The following METTL24 variants were observed in gnomAD, a reference collection of about 807,000 sequenced individuals.
METTL24 encodes the protein methyltransferase like 24.
METTL24 carries 29 observed loss-of-function variants against 32.7 expected under a neutral mutation model. That is an observed-to-expected ratio of 0.89 (90% CI 0.66 to 1.21). The LOEUF (loss-of-function observed/expected upper bound fraction) is 1.21. METTL24 is among the 50% of genes most tolerant of loss of function. METTL24 has a pLI of 0.00. For missense variants in METTL24, 439 were observed against 468.1 expected, an observed-to-expected ratio of 0.94 and a Z score of 0.57; for synonymous variants, 163 against 179.5, an observed-to-expected ratio of 0.91 and a Z score of 0.73.
intron 4 of METTL24, among the ~76,000 whole-genome samples, chr6:110,270,047 C>T (rs1236188185): frequency 6.6e-6 from 1 of 152,088 alleles, no homozygotes; most frequent in Non-Finnish European, 1.5e-5. Flanking sequence ...TTTTGGCAAA[C>T]GATGATCCTT....
At chr6:110,310,976 C>T (rs1771710531) in intron 3 of METTL24, among the ~76,000 whole-genome samples, 1 of 152,186 alleles carries the variant, frequency 6.6e-6, no homozygotes, top group South Asian at 2.1e-4. Context: ...GGTCTTGTTG[C>T]TGCTGTGGCC....
chr6:110,259,538 G>C (rs1317170980), intron 4 of METTL24, among the ~76,000 whole-genome samples: 4 of 152,188 alleles, frequency 2.6e-5, no homozygotes, highest in Non-Finnish European at 5.9e-5. Flanking sequence ...CCACCTCTGG[G>C]GGCAGGGCAT....
chr6:110,334,472 C>T (rs72935945), intron 1 of METTL24, among the ~76,000 whole-genome samples: 37,696 of 151,818 alleles, frequency 0.25, 5,323 homozygotes, highest in African/African-American at 0.4. Flanking sequence ...AGGACATTGA[C>T]GGGAAGCAAA....
chr6:110,248,522 T>C (rs1223264790), intron 4 of METTL24, among the ~76,000 whole-genome samples: 2 of 152,170 alleles, frequency 1.3e-5, no homozygotes, highest in South Asian at 2.1e-4. Flanking sequence ...GTCCGTTCAA[T>C]AGTTCCAAAC....
intron 4 of METTL24, among the ~76,000 whole-genome samples, chr6:110,262,260 C>T (rs1162441031): frequency 6.6e-6 from 1 of 152,086 alleles, no homozygotes; most frequent in East Asian, 1.9e-4. Flanking sequence ...ATCAAATAGA[C>T]ACAATAATAA....
At chr6:110,251,640 T>C (rs1778280991) in intron 4 of METTL24, among the ~76,000 whole-genome samples, 2 of 152,164 alleles carry the variant, frequency 1.3e-5, no homozygotes, top group African/African-American at 2.4e-5. Flanking sequence ...GGCTGGGAAG[T>C]CCAAGTTCAA....
chr6:110,348,706 G>C (rs752145155), intron 1 of METTL24, among the ~76,000 whole-genome samples: 6 of 152,218 alleles, frequency 3.9e-5, no homozygotes, highest in Non-Finnish European at 5.9e-5. Flanking sequence ...AAATGAGTAA[G>C]TGATGGCCGT....
intron 4 of METTL24, among the ~76,000 whole-genome samples, chr6:110,274,806 T>C (rs1489435544): frequency 2.7e-4 from 39 of 144,346 alleles, no homozygotes; most frequent in East Asian, 2.0e-3. Context: ...TTCTTTCTTT[T>C]TTTTTTTTTT....
chr6:110,355,101 G>A (rs192386655), intron 1 of METTL24, among the ~76,000 whole-genome samples: 1 of 152,274 alleles, frequency 6.6e-6, no homozygotes, highest in East Asian at 1.9e-4. Flanking sequence ...CAACTGTGGA[G>A]ACAAAACATT....
intron 4 of METTL24, among the ~76,000 whole-genome samples, chr6:110,285,211 C>T (rs544910340): frequency 6.6e-6 from 1 of 152,268 alleles, no homozygotes; most frequent in East Asian, 1.9e-4. Flanking sequence ...TGCTGTGAAC[C>T]CATCATGGTG....
Position 110,356,265 on chromosome 6 carries a change from G to A in METTL24, c.318+1690C>T, listed in dbSNP as rs566129770. 1.7e-3 allele frequency among the ~76,000 whole-genome samples: 260 copies of A among 152,076 alleles called. 1 individual carries two copies. Among genetic ancestry groups the A allele is most frequent in the African/African-American group, 6.1e-3 (255 of 41,464 alleles). On this transcript the variant is annotated intron_variant, in intron 1 of 4. Coordinates refer to ENST00000338882, the MANE Select transcript of METTL24 (RefSeq NM_001123364.3). ...TCGATACCAGCCTGGCCAACATGGT[G>A]AAACCCATCTCTATTAAAAATACAA... is the stretch of plus-strand genomic sequence containing the variant.
At chr6:110,315,670 A>G (rs1771807309) in intron 2 of METTL24, among the ~76,000 whole-genome samples, 189 bp from the exon 3 acceptor site, 1 of 152,230 alleles carries the variant, frequency 6.6e-6, no homozygotes, top group South Asian at 2.1e-4. Flanking sequence ...CAATTACTAG[A>G]TAATAAGTAA....
intron 4 of METTL24, among the ~76,000 whole-genome samples, chr6:110,253,365 C>T (rs1162164459): frequency 6.6e-6 from 1 of 152,276 alleles, no homozygotes; most frequent in East Asian, 1.9e-4. Flanking sequence ...TACGAGAGAG[C>T]ATCAAAGGAT....
intron 4 of METTL24, among the ~76,000 whole-genome samples, chr6:110,298,083 G>A (rs1771452834): frequency 6.6e-6 from 1 of 152,172 alleles, no homozygotes; most frequent in Admixed American, 6.5e-5. Context: ...GCCAACTCAA[G>A]TTTAAAATTG....
At chr6:110,351,275 T>G (rs908200706) in intron 1 of METTL24, among the ~76,000 whole-genome samples, 2 of 152,142 alleles carry the variant, frequency 1.3e-5, no homozygotes, top group African/African-American at 4.8e-5. Flanking sequence ...AAATATTACA[T>G]ATACCTAGAT....
intron 4 of METTL24, among the ~76,000 whole-genome samples, chr6:110,248,192 C>A (rs1333618489): frequency 6.6e-6 from 1 of 152,202 alleles, no homozygotes; most frequent in Non-Finnish European, 1.5e-5. Context: ...GCTTCCTGTA[C>A]AGCCTGCAGA....
At chr6:110,279,812 T>C (rs934552211) in intron 4 of METTL24, among the ~76,000 whole-genome samples, 3 of 152,118 alleles carry the variant, frequency 2.0e-5, no homozygotes, top group African/African-American at 7.2e-5. Flanking sequence ...GTTGGTCCAT[T>C]CTCATGTTGC....
chr6:110,351,458 T>TCA (rs1321091191), intron 1 of METTL24, among the ~76,000 whole-genome samples: 1 of 151,850 alleles, frequency 6.6e-6, no homozygotes, highest in Non-Finnish European at 1.5e-5. Flanking sequence ...ATATGTATAT[T>TCA]CACACACACA....
At chr6:110,346,494 C>CTT (rs1304436410) in intron 1 of METTL24, among the ~76,000 whole-genome samples, 3 of 83,326 alleles carry the variant, frequency 3.6e-5, no homozygotes, top group Non-Finnish European at 7.1e-5. Flanking sequence ...ATATTATTCT[C>CTT]TCTCTCTCTC....
Sources: gnomAD v4.1 joint callset for allele counts (sites outside exome capture counted in the v4.1 genomes callset) on GRCh38, gnomAD v4.1.1 for gene constraint, MANE v1.5 for transcripts, NCBI Gene and HGNC (gene_info 2026-07-23, HGNC 2026-07-21) for gene names.